The following HMCN1 variants were observed in gnomAD, a reference collection of about 807,000 sequenced individuals.
The protein encoded by HMCN1 is hemicentin-1.
In HMCN1, 321 loss-of-function variants were observed where a neutral mutation model predicts 625.9. The ratio of observed to expected loss-of-function variants is 0.51; its 90% confidence interval spans 0.47 to 0.56. The LOEUF is 0.56. Among genes scored for constraint, HMCN1 ranks in the 20% least tolerant of loss-of-function variants. The pLI is 0.00. For synonymous variants in HMCN1, 2,425 were observed against 2,417.6 expected, an observed-to-expected ratio of 1.00 and a Z score of -0.09; for missense variants, 6,588 against 6,887.3, an observed-to-expected ratio of 0.96 and a Z score of 1.54.
At chr1:186,009,991 C>G (rs764826601) in intron 30 of HMCN1, among the ~76,000 whole-genome samples, 1 of 152,084 alleles carries the variant, frequency 6.6e-6, no homozygotes, top group Admixed American at 6.6e-5. Flanking sequence ...AGTTCGCGCT[C>G]CTATGAGAAT....
intron 1 of HMCN1, among the ~76,000 whole-genome samples, chr1:185,779,576 T>A (rs1031679168): frequency 3.0e-4 from 46 of 152,338 alleles, no homozygotes; most frequent in Middle Eastern, 3.4e-3. Context: ...GCTAGCCAGT[T>A]TTCCCAGGAC....
intron 39 of HMCN1, among the ~76,000 whole-genome samples, chr1:186,040,691 T>C (rs1048024449): frequency 2.6e-5 from 4 of 152,172 alleles, no homozygotes; most frequent in Non-Finnish European, 5.9e-5. Context: ...GAATTAGCAT[T>C]TATTCTCACT....
At chr1:185,889,012 A>G (rs573857124) in intron 4 of HMCN1, among the ~76,000 whole-genome samples, 43 of 145,760 alleles carry the variant, frequency 3.0e-4, no homozygotes, top group Admixed American at 5.3e-4. Flanking sequence ...TTCTCCTTGA[A>G]GAGGTCCTTC....
intron 83 of HMCN1, 47 bp from the exon 84 acceptor site, chr1:186,129,919 T>G: frequency 6.2e-7 from 1 of 1,610,974 alleles, no homozygotes; most frequent in Admixed American, 1.7e-5. Context: ...CGTGAAATTT[T>G]TCCTAGGTTA....
At chr1:186,083,740 C>CTT (rs769080601) in intron 57 of HMCN1, among the ~76,000 whole-genome samples, 3 of 152,028 alleles carry the variant, frequency 2.0e-5, no homozygotes, top group East Asian at 3.9e-4. Flanking sequence ...AAATATTCTT[C>CTT]TTTGGTGTGA....
At chr1:186,125,500 G>A in intron 81 of HMCN1, 104 bp from the exon 82 acceptor site, 2 of 837,964 alleles carry the variant, frequency 2.4e-6, no homozygotes, top group South Asian at 2.9e-5. Flanking sequence ...AGTATTTCTA[G>A]CAAAATTACC....
At chr1:185,927,013 A>C (rs1471917432) in intron 9 of HMCN1, among the ~76,000 whole-genome samples, 3 of 152,340 alleles carry the variant, frequency 2.0e-5, no homozygotes, top group East Asian at 3.9e-4. Context: ...ATAACTGTAA[A>C]GAACATTCTT....
At chr1:185,774,232 G>A (rs1028020361) in intron 1 of HMCN1, among the ~76,000 whole-genome samples, 9 of 152,122 alleles carry the variant, frequency 5.9e-5, no homozygotes, top group African/African-American at 1.9e-4. Context: ...AGACTTTGTG[G>A]TAGAAGAAGA....
At chr1:186,105,043 C>G (rs1002677361) in intron 69 of HMCN1, among the ~76,000 whole-genome samples, 2 of 151,982 alleles carry the variant, frequency 1.3e-5, no homozygotes, top group African/African-American at 4.8e-5. Context: ...AACAAAAAGT[C>G]GAGTTATAAG....
rs1657227320 is a variant in HMCN1, at chr1:186,055,162, AT to A, written c.6863-230del. Among the ~76,000 whole-genome samples, 6 of 152,148 alleles carry A rather than the reference AT, an allele frequency of 3.9e-5. No individual in the cohort carries two copies. The South Asian group carries it at 1.0e-3, about 26-fold the overall frequency. ...AAGTGGGAAGTTAGTGAACACAGCA[AT>A]CTTTACTTACTGTGTCAATAGCTTC... On this transcript the variant is annotated intron_variant, in intron 44 of 106. Coordinates refer to ENST00000271588, the MANE Select transcript of HMCN1 (RefSeq NM_031935.3).
chr1:185,974,865 A>G (rs1328029736), intron 15 of HMCN1, among the ~76,000 whole-genome samples: 2 of 152,082 alleles, frequency 1.3e-5, no homozygotes, highest in African/African-American at 4.8e-5. Context: ...CTCCTGTCTT[A>G]ATTGAGTTTT....
intron 1 of HMCN1, among the ~76,000 whole-genome samples, chr1:185,787,037 A>G (rs2102190554): frequency 6.6e-6 from 1 of 152,238 alleles, no homozygotes; most frequent in Non-Finnish European, 1.5e-5. Context: ...AATAAGCTAG[A>G]ATATGTTCCT....
At chr1:185,814,025 A>C (rs923911178) in intron 1 of HMCN1, among the ~76,000 whole-genome samples, 2 of 152,194 alleles carry the variant, frequency 1.3e-5, no homozygotes, top group Non-Finnish European at 2.9e-5. Flanking sequence ...TTTAGCTTAC[A>C]TATCCCTTCT....
intron 11 of HMCN1, among the ~76,000 whole-genome samples, chr1:185,958,243 GTAGTAGC>G (rs1649760267): frequency 6.6e-6 from 1 of 151,952 alleles, no homozygotes; most frequent in African/African-American, 2.4e-5. Context: ...GTCTTCCAAA[GTAGTAGC>G]TGGGACTACA....
intron 103 of HMCN1, 28 bp downstream of exon 103, chr1:186,174,670 T>C: frequency 6.2e-7 from 1 of 1,612,818 alleles, no homozygotes; most frequent in Non-Finnish European, 8.5e-7. Flanking sequence ...TGTTGAGCAA[T>C]AAAGCTACTG....
intron 1 of HMCN1, among the ~76,000 whole-genome samples, chr1:185,792,824 A>G (rs1658094448): frequency 6.6e-6 from 1 of 152,170 alleles, no homozygotes; most frequent in Non-Finnish European, 1.5e-5. Context: ...GATCACCCCC[A>G]TGTGTTACAG....
chr1:186,050,224 A>T (rs918412256), intron 42 of HMCN1, among the ~76,000 whole-genome samples: 1 of 151,954 alleles, frequency 6.6e-6, no homozygotes, highest in African/African-American at 2.4e-5. Context: ...AACTGAGGTG[A>T]AGAATTCCTT....
intron 4 of HMCN1, among the ~76,000 whole-genome samples, chr1:185,877,201 T>A (rs1278524847): frequency 6.6e-6 from 1 of 151,942 alleles, no homozygotes; most frequent in Non-Finnish European, 1.5e-5. Flanking sequence ...GAGCATTTAT[T>A]AAATAGAGTA....
At chr1:186,149,806 T>C (rs1345180471) in intron 93 of HMCN1, among the ~76,000 whole-genome samples, 2 of 152,126 alleles carry the variant, frequency 1.3e-5, no homozygotes, top group South Asian at 2.1e-4. Flanking sequence ...GTTTCAATAT[T>C]GTGTCTCAGC....
Sources: gnomAD v4.1 joint callset for allele counts (sites outside exome capture counted in the v4.1 genomes callset) on GRCh38, gnomAD v4.1.1 for gene constraint, MANE v1.5 for transcripts, NCBI Gene and HGNC (gene_info 2026-07-23, HGNC 2026-07-21) for gene names.